Variants in TEX11 observed in about 807,000 individuals in gnomAD.
The protein encoded by TEX11 is testis-expressed protein 11.
In TEX11, 7 loss-of-function variants were observed where a neutral mutation model predicts 84.4. That is an observed-to-expected ratio of 0.08 (90% CI 0.05 to 0.16). TEX11 has a LOEUF of 0.16. TEX11 is among the 10% of genes least tolerant of loss of function. TEX11 has a pLI of 1.00. For synonymous variants in TEX11, 264 were observed against 222.8 expected, an observed-to-expected ratio of 1.18 and a Z score of -1.64; for missense variants, 551 against 660.5, an observed-to-expected ratio of 0.83 and a Z score of 1.82.
At chrX:70,856,310 G>T (rs1352450349) in intron 5 of TEX11, among the ~76,000 whole-genome samples, 1 of 111,054 alleles carries the variant, frequency 9.0e-6, no homozygotes, top group Non-Finnish European at 1.9e-5. Context: ...TAAGAAAATG[G>T]CGGAATGAGG....
intron 8 of TEX11, among the ~76,000 whole-genome samples, chrX:70,829,368 G>T (rs193301262): frequency 5.5e-4 from 60 of 109,359 alleles, no homozygotes; most frequent in Non-Finnish European, 1.1e-3. Context: ...TGTAGTTCCA[G>T]CTACTTGGGA....
rs766128330 is a variant in TEX11, at chrX:70,762,817, T to C, written c.693-18598A>G. ...TGGGAGGCTGAGGGGGCAGATCACT[T>C]GAGCTCAGGAGTCCGAGACCAGCCT... is the stretch of plus-strand genomic sequence containing the variant. On this transcript the variant is annotated intron_variant, in intron 9 of 29. Coordinates refer to ENST00000374333, the MANE Select transcript of TEX11 (RefSeq NM_031276.3). Among the ~76,000 whole-genome samples the C allele has an allele frequency of 9.9e-5, 11 of 111,039 alleles. No homozygotes were observed. In the East Asian group the frequency reaches 3.1e-3, roughly 32 times the overall value.
At chrX:70,644,199 A>T (rs2089707473) in intron 17 of TEX11, among the ~76,000 whole-genome samples, 1 of 102,654 alleles carries the variant, frequency 9.7e-6, no homozygotes, top group East Asian at 3.1e-4. Context: ...CATCAGAGAA[A>T]TGCAAATCAA....
At chrX:70,771,989 A>ATGGCACGAAGCTTTATGC (rs1025537465) in intron 9 of TEX11, among the ~76,000 whole-genome samples, 1 of 111,822 alleles carries the variant, frequency 8.9e-6, no homozygotes, top group African/African-American at 3.2e-5. Flanking sequence ...ATCAGTCCTC[A>ATGGCACGAAGCTTTATGC]TGGCACGAAG....
At chrX:70,839,754 C>T (rs1039338398) in intron 7 of TEX11, among the ~76,000 whole-genome samples, 5 of 110,755 alleles carry the variant, frequency 4.5e-5, no homozygotes, top group South Asian at 3.9e-4. Context: ...AAAAATTAGG[C>T]GAACGGATAC....
At chrX:70,517,106 C>G in the TEX11 span, among the ~76,000 whole-genome samples, 2 of 111,233 alleles carry the variant, frequency 1.8e-5, no homozygotes, top group Non-Finnish European at 3.8e-5. Context: ...AATTGAATAC[C>G]CTTTATTTCT....
intron 9 of TEX11, among the ~76,000 whole-genome samples, chrX:70,758,960 A>T (rs1188568967): frequency 1.8e-5 from 2 of 112,145 alleles, no homozygotes; most frequent in East Asian, 5.6e-4. Context: ...ACAGAAATAC[A>T]AACTACCATC....
At chrX:70,661,005 T>A (rs2089919568) in intron 16 of TEX11, among the ~76,000 whole-genome samples, 1 of 112,190 alleles carries the variant, frequency 8.9e-6, no homozygotes, top group Admixed American at 9.4e-5. Flanking sequence ...TGCATCTCAC[T>A]GAGGATTGTT....
At chrX:70,813,622 T>A (rs1230759422) in intron 8 of TEX11, among the ~76,000 whole-genome samples, 1 of 110,912 alleles carries the variant, frequency 9.0e-6, no homozygotes, top group African/African-American at 3.3e-5. Context: ...GAGAAAGAAA[T>A]AAAGGGTATC....
chrX:70,719,035 C>T (rs1444576864), intron 13 of TEX11, among the ~76,000 whole-genome samples: 1 of 111,596 alleles, frequency 9.0e-6, no homozygotes, highest in East Asian at 2.8e-4. Flanking sequence ...GGCAACCCAA[C>T]CTGTGACAAC....
At chrX:70,702,198 G>A (rs1352160364) in intron 13 of TEX11, among the ~76,000 whole-genome samples, 1 of 111,291 alleles carries the variant, frequency 9.0e-6, no homozygotes, top group Non-Finnish European at 1.9e-5. Flanking sequence ...TAAAGGAAGA[G>A]TCAATCAATG....
chrX:70,653,061 A>T lies in TEX11; in HGVS notation c.1381-1509T>A, dbSNP rs200202326. 5.3e-5 allele frequency among the ~76,000 whole-genome samples: 6 copies of T among 112,344 alleles called. No homozygotes were observed. In the East Asian group the frequency reaches 1.7e-3, roughly 31 times the overall value. ...CAAAAATTAACTGAAAATGGATTAT[A>T]ACCTAAATATAAAAACCCAAACTAT... On this transcript the variant is annotated intron_variant, in intron 16 of 29. Coordinates refer to ENST00000374333, the MANE Select transcript of TEX11 (RefSeq NM_031276.3).
intron 9 of TEX11, among the ~76,000 whole-genome samples, chrX:70,749,852 A>C (rs1268128629): frequency 5.4e-5 from 6 of 110,533 alleles, no homozygotes; most frequent in African/African-American, 2.0e-4. Context: ...TTTTGCATCA[A>C]TGTTCATCAA....
intron 22 of TEX11, among the ~76,000 whole-genome samples, chrX:70,607,856 A>G (rs1429597055): frequency 8.9e-6 from 1 of 112,347 alleles, no homozygotes; most frequent in Non-Finnish European, 1.9e-5. Context: ...TCAAAAGATT[A>G]AAGTCACCAA....
At chrX:70,855,711 C>T (rs1169451997) in intron 5 of TEX11, among the ~76,000 whole-genome samples, 1 of 111,248 alleles carries the variant, frequency 9.0e-6, no homozygotes, top group Admixed American at 9.6e-5. Context: ...AAAATGAGGC[C>T]ATTAGGGCGG....
chrX:70,641,354 A>T (rs1305576760), intron 17 of TEX11, among the ~76,000 whole-genome samples: 4 of 111,160 alleles, frequency 3.6e-5, no homozygotes, highest in African/African-American at 6.6e-5. Context: ...TATTAGACAG[A>T]TCAACGAGAC....
the TEX11 span, among the ~76,000 whole-genome samples, chrX:70,511,752 C>CAAAAAAAAAAAAAAAAAAAAAAAAAAA: frequency 1.5e-4 from 5 of 32,743 alleles, no homozygotes; most frequent in Non-Finnish European, 2.3e-4. Flanking sequence ...GACTCCATCT[C>CAAAAAAAAAAAAAAAAAAAAAAAAAAA]AAAAAAAAAA....
intron 16 of TEX11, among the ~76,000 whole-genome samples, chrX:70,659,619 T>C (rs1353411869): frequency 8.9e-6 from 1 of 112,056 alleles, no homozygotes; most frequent in Non-Finnish European, 1.9e-5. Flanking sequence ...TGTAAAATGG[T>C]ACAACCATTG....
At chrX:70,903,555 C>T (rs2091814335) in intron 2 of TEX11, among the ~76,000 whole-genome samples, 1 of 110,418 alleles carries the variant, frequency 9.1e-6, no homozygotes, top group East Asian at 3.0e-4. Flanking sequence ...TCATATCAAA[C>T]ATAGAGAATT....
Sources: gnomAD v4.1 joint callset for allele counts (sites outside exome capture counted in the v4.1 genomes callset) on GRCh38, gnomAD v4.1.1 for gene constraint, MANE v1.5 for transcripts, NCBI Gene and HGNC (gene_info 2026-07-23, HGNC 2026-07-21) for gene names.